The following CTIF variants were observed in gnomAD, a reference collection of about 807,000 sequenced individuals.
CTIF encodes the protein cap binding complex dependent translation initiation factor.
CTIF carries 21 observed loss-of-function variants against 66.0 expected under a neutral mutation model. That is an observed-to-expected ratio of 0.32 (90% CI 0.23 to 0.46). The LOEUF (loss-of-function observed/expected upper bound fraction) is 0.46. Ranked by LOEUF, CTIF falls within the 20% of genes least tolerant of loss-of-function variation. The pLI is 1.00. For missense variants in CTIF, 739 were observed against 812.7 expected, an observed-to-expected ratio of 0.91 and a Z score of 1.10; for synonymous variants, 345 against 326.4, an observed-to-expected ratio of 1.06 and a Z score of -0.62.
At chr18:48,676,270 A>AC (rs1184999713) in intron 6 of CTIF, among the ~76,000 whole-genome samples, 3 of 152,016 alleles carry the variant, frequency 2.0e-5, no homozygotes, top group South Asian at 4.1e-4. Flanking sequence ...CATATACAAT[A>AC]CCCCATTGAA....
At chr18:48,722,818 A>G (rs1359940525) in intron 7 of CTIF, among the ~76,000 whole-genome samples, 1 of 152,146 alleles carries the variant, frequency 6.6e-6, no homozygotes, top group Non-Finnish European at 1.5e-5. Context: ...ATCGGCGCTC[A>G]TAGGTGTAAG....
chr18:48,664,905 CTTTCTT>C (rs1304561520), intron 5 of CTIF, among the ~76,000 whole-genome samples: 3 of 62,716 alleles, frequency 4.8e-5, no homozygotes, highest in Non-Finnish European at 6.5e-5. Flanking sequence ...CTGTGTGTTT[CTTTCTT>C]TTTTTTTTTT....
chr18:48,826,716 T>G (rs2068589079), intron 10 of CTIF: 1 of 152,240 alleles, frequency 6.6e-6, no homozygotes, highest in South Asian at 2.1e-4. Context: ...TGCATGTTGC[T>G]CGGAGTCTGT....
At chr18:48,695,831 G>C (rs147243616) in intron 6 of CTIF, among the ~76,000 whole-genome samples, 2 of 152,344 alleles carry the variant, frequency 1.3e-5, no homozygotes, top group East Asian at 3.9e-4. Context: ...GTCAGGAGAA[G>C]AGCGCGTATT....
intron 5 of CTIF, among the ~76,000 whole-genome samples, chr18:48,669,568 C>A (rs993630965): frequency 6.6e-6 from 1 of 151,856 alleles, no homozygotes; most frequent in African/African-American, 2.4e-5. Context: ...AATCACCCTC[C>A]TGCCTCTTTG....
rs997974989 is a variant in CTIF, at chr18:48,860,173, G to GC, written c.*619dup. 13 of 354,472 alleles carry GC rather than the reference G, an allele frequency of 3.7e-5. No homozygotes were observed. The highest frequency in any genetic ancestry group is 2.6e-4 in the African/African-American group (12 of 46,706). 22.0% of individuals were successfully genotyped at this position (354,472 alleles called of 1,614,324 possible). ...CCACCTCCAAGTCCTCCTCACTGCA[G>GC]CCCCCACAGCCTCAGGCCTAGGGGG... On this transcript the variant is annotated 3_prime_UTR_variant, in exon 12 of 12. Transcript: ENST00000256413.
intron 9 of CTIF, among the ~76,000 whole-genome samples, chr18:48,784,555 G>C (rs1373739211): frequency 6.6e-6 from 1 of 152,080 alleles, no homozygotes; most frequent in Non-Finnish European, 1.5e-5. Context: ...GATGTCTCCT[G>C]GTTGGCATCT....
intron 7 of CTIF, among the ~76,000 whole-genome samples, chr18:48,743,882 C>T (rs2092574395): frequency 1.3e-5 from 2 of 152,154 alleles, no homozygotes; most frequent in South Asian, 4.1e-4. Flanking sequence ...TGTGGCAGCC[C>T]TCTAAACTGC....
intron 6 of CTIF, among the ~76,000 whole-genome samples, chr18:48,706,139 C>G (rs2092151088): frequency 6.6e-6 from 1 of 150,802 alleles, no homozygotes; most frequent in Non-Finnish European, 1.5e-5. Flanking sequence ...CCACCCGTCC[C>G]TCTCTCATCC....
At chr18:48,557,580 T>C (rs983271782) in intron 1 of CTIF, among the ~76,000 whole-genome samples, 1 of 152,230 alleles carries the variant, frequency 6.6e-6, no homozygotes, top group Non-Finnish European at 1.5e-5. Context: ...TCTGCTCGAT[T>C]TGTCTTCCTC....
At chr18:48,688,261 G>T (rs988063696) in intron 6 of CTIF, 3 of 152,304 alleles carry the variant, frequency 2.0e-5, no homozygotes, top group African/African-American at 7.2e-5. Context: ...ACCTGGAAGT[G>T]CTCCTTTTCC....
chr18:48,671,406 G>A (rs2091532479), intron 6 of CTIF, among the ~76,000 whole-genome samples: 1 of 152,144 alleles, frequency 6.6e-6, no homozygotes, highest in South Asian at 2.1e-4. Flanking sequence ...GTCTGCCGCT[G>A]CCAGTGACCA....
In CTIF at chr18:48,862,446, T is replaced by G. The variant is rs1240042189; in HGVS notation, c.*2887T>G. 2.0e-5 allele frequency: 3 copies of G among 152,590 alleles called. No homozygotes were observed. The East Asian group carries it at 5.8e-4, about 29-fold the overall frequency. 9.5% of individuals were successfully genotyped at this position (152,590 alleles called of 1,614,324 possible). On this transcript the variant is annotated 3_prime_UTR_variant, in exon 12 of 12. Coordinates refer to ENST00000256413, the MANE Select transcript of CTIF (RefSeq NM_014772.3). ...GCCCTGCTCCCCAAGGCCTGGTGGC[T>G]TTGCCGAAGCTCTGGGACCGCAGCC...
intron 9 of CTIF, among the ~76,000 whole-genome samples, chr18:48,781,909 A>C (rs556232655): frequency 6.6e-6 from 1 of 152,306 alleles, no homozygotes; most frequent in South Asian, 2.1e-4. Flanking sequence ...GCACGCATGA[A>C]ATAAGGACGT....
chr18:48,810,748 AG>A (rs2068242557), intron 9 of CTIF, among the ~76,000 whole-genome samples: 1 of 150,886 alleles, frequency 6.6e-6, no homozygotes, highest in African/African-American at 2.4e-5. Context: ...CAATAGCTTC[AG>A]GTATATTCAA....
At chr18:48,632,145 C>G (rs557192293) in intron 2 of CTIF, among the ~76,000 whole-genome samples, 4 of 152,140 alleles carry the variant, frequency 2.6e-5, no homozygotes, top group Non-Finnish European at 5.9e-5. Flanking sequence ...TACCAGAGGG[C>G]CTTTAGGGCC....
chr18:48,701,176 T>A (rs1484646332), intron 6 of CTIF, among the ~76,000 whole-genome samples: 1 of 152,200 alleles, frequency 6.6e-6, no homozygotes, highest in Non-Finnish European at 1.5e-5. Context: ...AGGTGGTTTT[T>A]TCAGGGGCTG....
At chr18:48,633,151 G>A (rs1453228581) in intron 2 of CTIF, among the ~76,000 whole-genome samples, 1 of 152,146 alleles carries the variant, frequency 6.6e-6, no homozygotes, top group African/African-American at 2.4e-5. Flanking sequence ...AAATGTTCAG[G>A]ATGCCTGGAA....
intron 1 of CTIF, among the ~76,000 whole-genome samples, chr18:48,544,970 C>T (rs1207896216): frequency 6.6e-6 from 1 of 152,122 alleles, no homozygotes; most frequent in Non-Finnish European, 1.5e-5. Context: ...AGAGAGAAGC[C>T]CAAGGCCCTT....
Sources: gnomAD v4.1 joint callset for allele counts (sites outside exome capture counted in the v4.1 genomes callset) on GRCh38, gnomAD v4.1.1 for gene constraint, MANE v1.5 for transcripts, NCBI Gene and HGNC (gene_info 2026-07-23, HGNC 2026-07-21) for gene names.